Variants in LAMA2 observed in about 807,000 individuals in gnomAD.
LAMA2 encodes laminin subunit alpha-2.
Under a neutral mutation model 364.8 loss-of-function variants are expected in LAMA2, and 269 were observed. The ratio of observed to expected loss-of-function variants is 0.74; its 90% CI spans 0.67 to 0.82. LAMA2 has a LOEUF of 0.82. LAMA2 is among the 40% of genes least tolerant of loss of function. The pLI is 0.00. For synonymous variants in LAMA2, 1,379 were observed against 1,370.6 expected (o/e 1.01, Z -0.14); for missense variants, 3,807 against 3,873.2 (o/e 0.98, Z 0.45).
At chr6:129,367,590 G>A (rs188307075) in intron 33 of LAMA2, among the ~76,000 whole-genome samples, 62 of 152,252 alleles carry the variant, frequency 4.1e-4, no homozygotes, top group African/African-American at 1.4e-3. Flanking sequence ...TGCTTTAGAG[G>A]AAGGCATCTA....
At chr6:129,297,251 C>T (rs925445810) in intron 20 of LAMA2, among the ~76,000 whole-genome samples, 1 of 152,092 alleles carries the variant, frequency 6.6e-6, no homozygotes, top group Admixed American at 6.6e-5. Flanking sequence ...CTTTAGGCTG[C>T]TGGTCAATAA....
chr6:129,012,732 A>G (rs1432979962), intron 1 of LAMA2, among the ~76,000 whole-genome samples: 1 of 152,234 alleles, frequency 6.6e-6, no homozygotes, highest in Non-Finnish European at 1.5e-5. Context: ...AGCTTATTAA[A>G]CTAATTTAAG....
intron 1 of LAMA2, among the ~76,000 whole-genome samples, chr6:128,889,035 C>T (rs1582606185): frequency 6.6e-6 from 1 of 152,286 alleles, no homozygotes; most frequent in Admixed American, 6.5e-5. Flanking sequence ...CTCTTTTCTT[C>T]CCTTTGGCAA....
chr6:129,315,462 T>C lies in LAMA2; in HGVS notation c.3556-14T>C. ...CGTAAATTCAGCCTTCTGCTGTATTTTGACCCCTTGCAGGTGACTCTGAAG... is the reference window on the plus strand; with the variant it reads ...CGTAAATTCAGCCTTCTGCTGTATTCTGACCCCTTGCAGGTGACTCTGAAG... On this transcript the variant is annotated splice_polypyrimidine_tract_variant and intron_variant, in intron 24 of 64. Transcript: ENST00000421865. The C allele has an allele frequency of 6.2e-7, 1 of 1,613,666 alleles. No individual in the cohort carries two copies. Among genetic ancestry groups the C allele is most frequent in the Admixed American group, 1.7e-5 (1 of 60,024 alleles).
rs552580910 is a variant in LAMA2, at chr6:129,399,560, C to T, written c.5446-1664C>T. ...GAGCTGTGATCCCAAACCAGAAGGG[C>T]TGTCACTTGGATGTAGCTTTTAATC... On this transcript the variant is annotated intron_variant, in intron 37 of 64. Transcript: ENST00000421865. Among the ~76,000 whole-genome samples, 6 of 152,332 alleles carry T rather than the reference C, an allele frequency of 3.9e-5. No individual in the cohort carries two copies. The South Asian group carries it at 8.3e-4, about 21-fold the overall frequency.
At chr6:129,154,113 C>T (rs974174945) in intron 7 of LAMA2, among the ~76,000 whole-genome samples, 17 of 152,002 alleles carry the variant, frequency 1.1e-4, no homozygotes, top group South Asian at 6.2e-4. Context: ...TGTAATTTCC[C>T]GTATGGTATA....
chr6:129,122,717 C>T (rs1236947856), intron 4 of LAMA2, among the ~76,000 whole-genome samples: 1 of 152,122 alleles, frequency 6.6e-6, no homozygotes. Context: ...GGTTCCCCCA[C>T]ATAGCTCCAC....
intron 34 of LAMA2, among the ~76,000 whole-genome samples, chr6:129,378,229 A>C (rs964418970): frequency 6.6e-6 from 1 of 152,232 alleles, no homozygotes. Context: ...AAGAAGGATG[A>C]CTAAGAGATG....
intron 29 of LAMA2, among the ~76,000 whole-genome samples, chr6:129,329,700 T>C (rs1221966498): frequency 6.6e-6 from 1 of 152,130 alleles, no homozygotes; most frequent in African/African-American, 2.4e-5. Flanking sequence ...TTCATTCCCC[T>C]GAGTCTGAAG....
intron 27 of LAMA2, among the ~76,000 whole-genome samples, chr6:129,316,697 A>G (rs1399683941): frequency 6.6e-6 from 1 of 152,222 alleles, no homozygotes; most frequent in Non-Finnish European, 1.5e-5. Flanking sequence ...AATGAATGCA[A>G]TGTTGTCGAA....
chr6:129,226,264 C>A (rs1449358027), intron 12 of LAMA2, among the ~76,000 whole-genome samples: 1 of 152,160 alleles, frequency 6.6e-6, no homozygotes. Flanking sequence ...ATACAGCACA[C>A]TGATGGGTCT....
Position 129,335,090 on chromosome 6 carries a change from T to C in LAMA2, c.4311+6678T>C, listed in dbSNP as rs1775872713. Among the ~76,000 whole-genome samples, 7 of 152,160 alleles carry C rather than the reference T, an allele frequency of 4.6e-5. No homozygotes were observed. In the South Asian group the frequency reaches 1.5e-3, roughly 32 times the overall value. ...GGAAAGAAAACTGTAGAAAGCTTTA[T>C]AGACTAAATATTTTAAAGAAACCCA... is the stretch of plus-strand genomic sequence containing the variant. On this transcript the variant is annotated intron_variant, in intron 29 of 64. Coordinates refer to ENST00000421865, the MANE Select transcript of LAMA2 (RefSeq NM_000426.4).
chr6:129,203,495 A>G (rs1782432524), intron 12 of LAMA2, among the ~76,000 whole-genome samples: 1 of 152,184 alleles, frequency 6.6e-6, no homozygotes, highest in South Asian at 2.1e-4. Flanking sequence ...GTGGGAGAAG[A>G]AAATAGGTCA....
intron 2 of LAMA2, among the ~76,000 whole-genome samples, chr6:129,055,370 T>A (rs1788415230): frequency 6.6e-6 from 1 of 151,816 alleles, no homozygotes; most frequent in South Asian, 2.1e-4. Context: ...TTTTTTGTAT[T>A]TTTAGTAGAG....
In LAMA2 at chr6:128,883,327, C is replaced by G. The variant is rs776665392; in HGVS notation, c.82C>G (p.Gln28Glu). Reference protein sequence around the residue: ...GGVQAQRPQQQRQSQAHQQRG... With the variant: ...GGVQAQRPQQERQSQAHQQRG... ...CGTACAGGCGCAGCGGCCGCAGCAG[C>G]AGCGGCAGTCACAGGCACATCAGCA... The change falls in exon 1 of 65, where the codon CAG becomes GAG. Residue 28 changes from glutamine (Q) to glutamate (E), a missense_variant. Around this residue, in one of 3 missense-constraint regions of LAMA2, gnomAD observed 394 missense variants for 403.5 expected, o/e 0.98. Coordinates refer to ENST00000421865, the MANE Select transcript of LAMA2 (RefSeq NM_000426.4). The G allele has an allele frequency of 6.3e-7, 1 of 1,598,586 alleles. No homozygotes were observed.
chr6:129,263,297 C>T (rs1787266944), intron 15 of LAMA2, among the ~76,000 whole-genome samples: 1 of 151,970 alleles, frequency 6.6e-6, no homozygotes, highest in African/African-American at 2.4e-5. Context: ...AACGATATGC[C>T]AGAAAGCAAA....
chr6:129,013,314 G>C lies in LAMA2; in HGVS notation c.113-36604G>C, dbSNP rs994099781. Among the ~76,000 whole-genome samples the C allele has an allele frequency of 5.3e-5, 8 of 152,188 alleles. No homozygotes were observed. In the Middle Eastern group the frequency reaches 0.01, roughly 194 times the overall value. ...TAGCCCGGCGTGGTGGCGGGCGCCTGTAGTCCCAGCTACTCGGGAGGCTGA... is the reference window on the plus strand; with the variant it reads ...TAGCCCGGCGTGGTGGCGGGCGCCTCTAGTCCCAGCTACTCGGGAGGCTGA... On this transcript the variant is annotated intron_variant, in intron 1 of 64. Transcript: ENST00000421865.
At chr6:129,121,397 G>GACC in intron 4 of LAMA2, among the ~76,000 whole-genome samples, 1 of 152,140 alleles carries the variant, frequency 6.6e-6, no homozygotes, top group African/African-American at 2.4e-5. Flanking sequence ...GTTTACCATT[G>GACC]CATTTTTATT....
rs755315841 is a variant in LAMA2 at position 129,320,527 on chromosome 6, G to T, written c.4059-11G>T. 2 of 1,477,494 alleles carry T rather than the reference G, an allele frequency of 1.4e-6. No homozygotes were observed. Among genetic ancestry groups the T allele is most frequent in the South Asian group, 1.1e-5 (1 of 88,352 alleles). The allele number at this position is 1,477,494 out of a possible 1,614,324, so 91.5% of individuals were successfully genotyped here. Reference sequence around the variant, plus strand: ...GTCATAGTAATCTAAGTACATTCTCGCTGTTTCTAGGATTTCTGAAATCTC... The same window carrying T: ...GTCATAGTAATCTAAGTACATTCTCTCTGTTTCTAGGATTTCTGAAATCTC... On this transcript the variant is annotated splice_polypyrimidine_tract_variant and intron_variant, in intron 27 of 64. Coordinates refer to ENST00000421865, the MANE Select transcript of LAMA2 (RefSeq NM_000426.4).
Sources: allele counts gnomAD v4.1 joint callset (sites outside exome capture counted in the v4.1 genomes callset), GRCh38; gene constraint gnomAD v4.1.1; regional missense constraint gnomAD v4.1.1; transcripts MANE v1.5; gene names NCBI Gene and HGNC (gene_info 2026-07-23, HGNC 2026-07-21).